ERBB4: variants seen among roughly 807,000 people sequenced by gnomAD.
ERBB4 encodes the protein receptor tyrosine-protein kinase erbB-4.
ERBB4 carries 42 observed loss-of-function variants against 158.0 expected under a neutral mutation model. That is an observed-to-expected ratio of 0.27 (90% CI 0.21 to 0.34). The LOEUF (loss-of-function observed/expected upper bound fraction) is 0.34, where lower values mean the gene tolerates loss of function less well. ERBB4 is among the 10% of genes least tolerant of loss of function. The pLI, the probability that ERBB4 is intolerant of heterozygous loss-of-function variation, is 1.00. For missense variants in ERBB4, 1,333 were observed against 1,624.1 expected (o/e 0.82, Z 3.08); for synonymous variants, 583 against 558.7 (o/e 1.04, Z -0.61).
At position 212,331,253 on chromosome 2, in the gene ERBB4, T is replaced by C. The variant is rs987970569; in HGVS notation, c.83-206350A>G. The stretch of plus-strand genomic sequence containing the variant: ...TGAAATAACCTATTTCTATAACTAA[T>C]AGAAATAAGTCATTATAATATAACT... On this transcript the variant is annotated intron_variant, in intron 1 of 27. Coordinates refer to ENST00000342788, the MANE Select transcript of ERBB4 (RefSeq NM_005235.3). 1.5e-4 allele frequency among the ~76,000 whole-genome samples: 22 copies of C among 151,074 alleles called. 1 individual carries two copies. The highest frequency in any genetic ancestry group is 3.9e-4 in the African/African-American group (16 of 41,416).
intron 1 of ERBB4, among the ~76,000 whole-genome samples, chr2:212,440,570 T>G (rs1028071757): frequency 3.9e-5 from 6 of 152,178 alleles, no homozygotes; most frequent in Non-Finnish European, 7.3e-5. Context: ...CAGGAGTGGT[T>G]CTGGAGGAAC....
At chr2:212,301,026 A>G (rs2086599259) in intron 1 of ERBB4, among the ~76,000 whole-genome samples, 1 of 151,540 alleles carries the variant, frequency 6.6e-6, no homozygotes, top group Admixed American at 6.6e-5. Context: ...TGCTTCCATT[A>G]AAAGTGTTTC....
At chr2:212,365,281 T>C (rs1187911595) in intron 1 of ERBB4, among the ~76,000 whole-genome samples, 1 of 151,816 alleles carries the variant, frequency 6.6e-6, no homozygotes, top group East Asian at 1.9e-4. Context: ...GATTAAATGA[T>C]GTTTTCTTTT....
intron 1 of ERBB4, among the ~76,000 whole-genome samples, chr2:212,177,309 G>A (rs942113651): frequency 7.9e-5 from 12 of 151,528 alleles, no homozygotes; most frequent in Admixed American, 2.6e-4. Flanking sequence ...ATTTCTTAGC[G>A]GTTGTGCCTA....
At chr2:211,708,520 C>G (rs978381552) in intron 9 of ERBB4, among the ~76,000 whole-genome samples, 9 of 152,000 alleles carry the variant, frequency 5.9e-5, no homozygotes, top group African/African-American at 2.2e-4. Context: ...GTGCTATAAA[C>G]TAGACATAGG....
intron 2 of ERBB4, among the ~76,000 whole-genome samples, chr2:211,977,181 G>T (rs10932413): frequency 0.087 from 13,230 of 152,086 alleles, 667 homozygotes; most frequent in African/African-American, 0.14. Flanking sequence ...GACACAGGAG[G>T]CAACTTTTCT....
At chr2:211,826,270 T>C (rs1050194117) in intron 3 of ERBB4, among the ~76,000 whole-genome samples, 2 of 151,824 alleles carry the variant, frequency 1.3e-5, no homozygotes, top group African/African-American at 4.8e-5. Flanking sequence ...CACATATTGA[T>C]TGAATGCCTG....
At chr2:212,398,877 A>C (rs2091106721) in intron 1 of ERBB4, among the ~76,000 whole-genome samples, 1 of 152,266 alleles carries the variant, frequency 6.6e-6, no homozygotes, top group South Asian at 2.1e-4. Context: ...TTAGTGTAAA[A>C]ATATGTTTTC....
At chr2:211,705,511 G>A (rs1207613073) in intron 9 of ERBB4, 120 bp from the exon 10 acceptor site, 3 of 727,658 alleles carry the variant, frequency 4.1e-6, no homozygotes, top group Non-Finnish European at 7.4e-6. Context: ...TGTTATCAAT[G>A]CATGTTTAAA....
chr2:211,946,013 A>G (rs796715070), intron 3 of ERBB4, among the ~76,000 whole-genome samples: 7 of 152,144 alleles, frequency 4.6e-5, no homozygotes, highest in African/African-American at 1.7e-4. Context: ...ATTGTTCTCT[A>G]CACATTTCAT....
intron 1 of ERBB4, among the ~76,000 whole-genome samples, chr2:212,273,329 A>T (rs1050023148): frequency 5.3e-5 from 8 of 151,882 alleles, no homozygotes; most frequent in South Asian, 4.1e-4. Context: ...ATTGATAAAT[A>T]GCAAGTCAAT....
At chr2:211,491,711 C>T (rs4305210) in intron 20 of ERBB4, among the ~76,000 whole-genome samples, 65,790 of 151,584 alleles carry the variant, frequency 0.43, 15,491 homozygotes, top group African/African-American at 0.62. Context: ...TAAACTGAAT[C>T]CTCAAATTAT....
intron 1 of ERBB4, among the ~76,000 whole-genome samples, chr2:212,411,172 A>C (rs2091487171): frequency 6.6e-6 from 1 of 152,130 alleles, no homozygotes; most frequent in African/African-American, 2.4e-5. Context: ...ATATTTTAAA[A>C]ATAAATTAAT....
At chr2:212,534,031 A>C (rs1360430874) in intron 1 of ERBB4, among the ~76,000 whole-genome samples, 1 of 152,214 alleles carries the variant, frequency 6.6e-6, no homozygotes, top group Admixed American at 6.5e-5. Context: ...ATCCGTTTTG[A>C]TCATTTATTT....
At chr2:212,187,427 A>G (rs1274412233) in intron 1 of ERBB4, among the ~76,000 whole-genome samples, 1 of 133,020 alleles carries the variant, frequency 7.5e-6, no homozygotes, top group African/African-American at 2.6e-5. Context: ...ATAATAATAA[A>G]TAAATAAATA....
chr2:212,388,475 T>A (rs986680990), intron 1 of ERBB4, among the ~76,000 whole-genome samples: 6 of 152,020 alleles, frequency 3.9e-5, no homozygotes, highest in Non-Finnish European at 8.8e-5. Context: ...CTTCTCAGAG[T>A]TCTTCGTGCT....
chr2:212,188,391 A>T (rs2082094317), intron 1 of ERBB4, among the ~76,000 whole-genome samples: 1 of 150,790 alleles, frequency 6.6e-6, no homozygotes, highest in Non-Finnish European at 1.5e-5. Flanking sequence ...TTAAATGGTC[A>T]GGGTACACCT....
chr2:212,454,224 C>T (rs1422591872), intron 1 of ERBB4, among the ~76,000 whole-genome samples: 1 of 152,188 alleles, frequency 6.6e-6, no homozygotes, highest in African/African-American at 2.4e-5. Context: ...CAGGCATGAG[C>T]CACCATGCCT....
intron 1 of ERBB4, among the ~76,000 whole-genome samples, chr2:212,402,470 A>G (rs1245877634): frequency 6.6e-6 from 1 of 152,096 alleles, no homozygotes; most frequent in Non-Finnish European, 1.5e-5. Flanking sequence ...AAAACCATGT[A>G]GAACTTATAC....
Sources: gnomAD v4.1 joint callset for allele counts (sites outside exome capture counted in the v4.1 genomes callset) on GRCh38, gnomAD v4.1.1 for gene constraint, MANE v1.5 for transcripts, NCBI Gene and HGNC (gene_info 2026-07-23, HGNC 2026-07-21) for gene names.